LBHD2: variants seen among roughly 807,000 people sequenced by gnomAD.
LBHD2 encodes the protein LBH domain-containing protein 2.
chr14:103,087,346 G>A (rs935695976), intron 2 of LBHD2, among the ~76,000 whole-genome samples: 2 of 152,230 alleles, frequency 1.3e-5, no homozygotes, highest in African/African-American at 4.8e-5. Flanking sequence ...CTTTTGGGAA[G>A]GTGGACCCAG....
At chr14:103,085,806 C>T (rs1026637396) in intron 1 of LBHD2, among the ~76,000 whole-genome samples, 170 bp from the exon 2 acceptor site, 5 of 152,226 alleles carry the variant, frequency 3.3e-5, no homozygotes, top group Non-Finnish European at 7.3e-5. Flanking sequence ...GGGTCCAGTG[C>T]CCCCTCTGGC....
chr14:103,087,207 G>A (rs966244734), intron 2 of LBHD2, among the ~76,000 whole-genome samples: 33 of 152,254 alleles, frequency 2.2e-4, no homozygotes, highest in African/African-American at 6.5e-4. Flanking sequence ...CATATGGTCC[G>A]TGGTTAAAAG....
intron 1 of LBHD2, among the ~76,000 whole-genome samples, chr14:103,085,036 C>T (rs1889615503): frequency 6.6e-6 from 1 of 152,204 alleles, no homozygotes; most frequent in Non-Finnish European, 1.5e-5. Flanking sequence ...CCTAGCCCTC[C>T]CTGGGCCTCA....
intron 3 of LBHD2, among the ~76,000 whole-genome samples, chr14:103,088,966 C>T (rs762948159): frequency 5.3e-5 from 8 of 152,212 alleles, no homozygotes; most frequent in Non-Finnish European, 1.0e-4. Context: ...TGCACTCCAG[C>T]CTGGGCGATA....
At chr14:103,086,304 G>A (rs978601089) in intron 2 of LBHD2, among the ~76,000 whole-genome samples, 2 of 152,108 alleles carry the variant, frequency 1.3e-5, no homozygotes, top group African/African-American at 4.8e-5. Context: ...CTCCGCCTCC[G>A]GGGTTCAAGC....
intron 2 of LBHD2, among the ~76,000 whole-genome samples, chr14:103,087,418 A>G (rs1889649157): frequency 6.6e-6 from 1 of 152,194 alleles, no homozygotes; most frequent in African/African-American, 2.4e-5. Context: ...CATCTGCCCG[A>G]GCACAGGCGT....
Position 103,085,981 on chromosome 14 carries a change from G to C in LBHD2, c.-32G>C. 1 of 398,672 alleles carries C rather than the reference G, an allele frequency of 2.5e-6. No individual in the cohort carries two copies. The highest frequency in any genetic ancestry group is 4.4e-6 in the Non-Finnish European group (1 of 226,108). 24.7% of individuals were successfully genotyped at this position (398,672 alleles called of 1,614,324 possible). On this transcript the variant is annotated 5_prime_UTR_variant, in exon 2 of 4. Transcript: ENST00000634353. ...CACCCCATTTCTGCTCCCAGTCCTC[G>C]TGCAGCTTAGTGGCGCAGTGGCGGC...
chr14:103,088,328 C>A (rs1889662780), intron 3 of LBHD2, 87 bp downstream of exon 3: 1 of 398,296 alleles, frequency 2.5e-6, no homozygotes, highest in Non-Finnish European at 4.4e-6. Flanking sequence ...GCGGCTCCAG[C>A]AAGCAAGGCC....
chr14:103,087,215 AAG>A (rs1889646791), intron 2 of LBHD2, among the ~76,000 whole-genome samples: 1 of 152,230 alleles, frequency 6.6e-6, no homozygotes, highest in African/African-American at 2.4e-5. Context: ...CCGTGGTTAA[AAG>A]AGAGTCTGGG....
intron 3 of LBHD2, 39 bp from the exon 4 acceptor site, chr14:103,089,658 C>A (rs1889684563): frequency 5.0e-6 from 2 of 398,514 alleles, no homozygotes; most frequent in Admixed American, 4.4e-5. Flanking sequence ...GGCTGCACTC[C>A]CCCCGCCGAC....
intron 1 of LBHD2, among the ~76,000 whole-genome samples, chr14:103,084,883 A>G (rs1889613882): frequency 1.3e-5 from 2 of 152,028 alleles, no homozygotes; most frequent in South Asian, 4.2e-4. Flanking sequence ...CTGGGATGGG[A>G]TCCAGAAGAG....
rs118054948 is a variant in LBHD2, at chr14:103,089,748, G to A, written c.278G>A (p.Gly93Asp). The change falls in exon 4 of 4, where the codon GGC becomes GAC. Residue 93 changes from glycine (G) to aspartate (D), a missense_variant. Coordinates refer to ENST00000634353, the MANE Select transcript of LBHD2 (RefSeq NM_001330236.2). The stretch of plus-strand genomic sequence containing the variant: ...CCAGGGAAAGCTGCAGATAACGCTG[G>A]CAGCGAGTGTGCCTGCTCCGAGGAC... ...GEPGKAADNA[G>D]SECACSEDPA... is the part of the protein sequence containing the mutation. 0.01 allele frequency: 3,993 copies of A among 398,676 alleles called. 31 individuals are homozygous for A. Among genetic ancestry groups the A allele is most frequent in the Middle Eastern group, 0.013 (20 of 1,590 alleles). The allele number at this position is 398,676 out of a possible 1,614,324, so 24.7% of individuals were successfully genotyped here.
chr14:103,089,697 C>A lies in LBHD2; in HGVS notation c.227C>A (p.Ala76Asp). The A allele has an allele frequency of 2.5e-6, 1 of 398,656 alleles. No individual in the cohort carries two copies. 24.7% of individuals were successfully genotyped at this position (398,656 alleles called of 1,614,324 possible). A position where few individuals can be genotyped will look rare whatever the true frequency, so the allele number is the denominator to read the frequency against. The change falls in exon 4 of 4, where the codon GCC becomes GAC. Residue 76 changes from alanine to aspartate, a missense_variant and splice_region_variant. Ala to Asp is a moderately radical substitution (Grantham distance 126). Coordinates refer to ENST00000634353, the MANE Select transcript of LBHD2 (RefSeq NM_001330236.2). ...RGPSQSRAAA[A>D]PSPSLPGEPG... ...CACGGCCGCCTTTATGTTTCTGCAG[C>A]CCCCTCGCCGAGTCTGCCCGGAGAA...
chr14:103,087,963 C>G, intron 2 of LBHD2, 122 bp from the exon 3 acceptor site: 1 of 397,600 alleles, frequency 2.5e-6, no homozygotes, highest in Non-Finnish European at 4.4e-6. Flanking sequence ...CCCATCCCTG[C>G]CCTGGGGACT....
rs1233865516 is a variant in LBHD2, at chr14:103,086,019, A to AC, written c.13dup (p.Arg5ProfsTer11). The AC allele has an allele frequency of 2.5e-5, 10 of 397,996 alleles. No homozygotes were observed. The highest frequency in any genetic ancestry group is 2.1e-4 in the African/African-American group (10 of 48,402). 24.7% of individuals were successfully genotyped at this position (397,996 alleles called of 1,614,324 possible). ...GCGCAGTGGCGGCAGCAGCATGAGC[A>AC]CCCCCCGGCCTGCTCCACCACAGCC... On this transcript the variant is annotated frameshift_variant, in exon 2 of 4. Coordinates refer to ENST00000634353, the MANE Select transcript of LBHD2 (RefSeq NM_001330236.2). LOFTEE classifies it high-confidence loss of function.
intron 3 of LBHD2, among the ~76,000 whole-genome samples, chr14:103,089,430 G>A (rs781596297): frequency 1.3e-4 from 20 of 152,120 alleles, no homozygotes; most frequent in Non-Finnish European, 1.6e-4. Context: ...CTGGGACTTG[G>A]GCTCTGGGGA....
chr14:103,085,424 T>G (rs1261818785), intron 1 of LBHD2, among the ~76,000 whole-genome samples: 3 of 150,444 alleles, frequency 2.0e-5, no homozygotes, highest in Non-Finnish European at 3.0e-5. Flanking sequence ...CTCCCCCTGC[T>G]GTGGCCAGCC....
Position 103,085,376 on chromosome 14 carries a change from C to G in LBHD2, c.-37-600C>G, listed in dbSNP as rs1480852305. ...CTGGTGCCAACTCCTGCCAGGGGCTCTCTTCCCAGAGCCCTTGCTGCCAGG... is the reference window on the plus strand; with the variant it reads ...CTGGTGCCAACTCCTGCCAGGGGCTGTCTTCCCAGAGCCCTTGCTGCCAGG... On this transcript the variant is annotated intron_variant, in intron 1 of 3. Coordinates refer to ENST00000634353, the MANE Select transcript of LBHD2 (RefSeq NM_001330236.2). Among the ~76,000 whole-genome samples, 3 of 152,258 alleles carry G rather than the reference C, an allele frequency of 2.0e-5. No homozygotes were observed. In the South Asian group the frequency reaches 6.2e-4, roughly 31 times the overall value.
At chr14:103,088,586 GC>G (rs1889666318) in intron 3 of LBHD2, among the ~76,000 whole-genome samples, 1 of 152,252 alleles carries the variant, frequency 6.6e-6, no homozygotes, top group East Asian at 1.9e-4. Context: ...CACCTCTGGA[GC>G]AAGTGTGCCT....
Sources: allele counts gnomAD v4.1 joint callset (sites outside exome capture counted in the v4.1 genomes callset), GRCh38; gene constraint gnomAD v4.1.1; transcripts MANE v1.5; gene names NCBI Gene and HGNC (gene_info 2026-07-23, HGNC 2026-07-21).